Variants in C8orf34 observed in about 807,000 individuals in gnomAD.
C8orf34 encodes chromosome 8 open reading frame 34.
In C8orf34, 65 loss-of-function variants were observed where a neutral mutation model predicts 68.3. The ratio of observed to expected loss-of-function variants is 0.95; its 90% CI spans 0.78 to 1.17. The LOEUF is 1.17. Among genes scored for constraint, C8orf34 ranks in the 50% most tolerant of loss-of-function variants. C8orf34 has a pLI of 0.00. For missense variants in C8orf34, 664 were observed against 655.4 expected (o/e 1.01, Z -0.14); for synonymous variants, 244 against 241.2 (o/e 1.01, Z -0.11).
chr8:68,799,608 C>A (rs1479253323), intron 12 of C8orf34, among the ~76,000 whole-genome samples: 2 of 152,048 alleles, frequency 1.3e-5, no homozygotes, highest in African/African-American at 4.8e-5. Flanking sequence ...ACCCTATGGG[C>A]CAGATTACCC....
At chr8:68,711,202 G>A (rs1821320499) in intron 9 of C8orf34, among the ~76,000 whole-genome samples, 1 of 152,106 alleles carries the variant, frequency 6.6e-6, no homozygotes, top group South Asian at 2.1e-4. Flanking sequence ...TTCTAACATA[G>A]TCTGCGCAAA....
At chr8:68,469,309 G>T (rs1398841864) in intron 4 of C8orf34, among the ~76,000 whole-genome samples, 3 of 151,758 alleles carry the variant, frequency 2.0e-5, no homozygotes, top group African/African-American at 7.3e-5. Context: ...TCTGTAATCT[G>T]AGGGCCTAGG....
chr8:68,524,425 C>T (rs1430813267), intron 6 of C8orf34, among the ~76,000 whole-genome samples: 1 of 152,112 alleles, frequency 6.6e-6, no homozygotes, highest in Non-Finnish European at 1.5e-5. Flanking sequence ...AGAAAAGAAA[C>T]TGTGAGGGTG....
chr8:68,690,752 C>A (rs923842312), intron 8 of C8orf34, among the ~76,000 whole-genome samples: 16 of 151,962 alleles, frequency 1.1e-4, no homozygotes, highest in African/African-American at 3.1e-4. Context: ...GAAATGGTAA[C>A]CCTCATTAGG....
rs75653213 is a variant in C8orf34 at position 68,338,678 on chromosome 8, G to T, written c.327+7339G>T. ...TTACCAATTTTTATTTCCTTTTATT[G>T]CTGAGTTGTATTCCGTATGGCTATG... On this transcript the variant is annotated intron_variant, in intron 1 of 13. Coordinates refer to ENST00000518698, the MANE Select transcript of C8orf34 (RefSeq NM_052958.4). Among the ~76,000 whole-genome samples the T allele has an allele frequency of 7.9e-3, 1,197 of 151,878 alleles. 18 individuals are homozygous for T. Among genetic ancestry groups the T allele is most frequent in the African/African-American group, 0.027 (1,101 of 41,424 alleles).
chr8:68,671,748 G>A (rs1247215427), intron 8 of C8orf34, among the ~76,000 whole-genome samples: 1 of 152,040 alleles, frequency 6.6e-6, no homozygotes, highest in African/African-American at 2.4e-5. Context: ...AGGAATTTAT[G>A]TATAAAATTG....
At position 68,623,484 on chromosome 8, in the gene C8orf34, A is replaced by G. The variant is rs148830699; in HGVS notation, c.1106-16892A>G. On this transcript the variant is annotated intron_variant, in intron 7 of 13. Transcript: ENST00000518698. ...TGTTCCCTTGTTTTAAGGGGAGGGA[A>G]AAATCACCCGTGGTTGACAACCACT... Among the ~76,000 whole-genome samples the G allele has an allele frequency of 8.4e-3, 1,286 of 152,280 alleles. 19 individuals are homozygous for G. The highest frequency in any genetic ancestry group is 0.028 in the African/African-American group (1,167 of 41,542).
intron 12 of C8orf34, among the ~76,000 whole-genome samples, chr8:68,801,148 A>T (rs1224819224): frequency 2.0e-5 from 3 of 152,152 alleles, no homozygotes; most frequent in Non-Finnish European, 4.4e-5. Flanking sequence ...GCACTAAGTG[A>T]TTGTTTATCT....
intron 6 of C8orf34, among the ~76,000 whole-genome samples, chr8:68,528,546 A>G (rs979990071): frequency 2.0e-5 from 3 of 151,994 alleles, no homozygotes; most frequent in Non-Finnish European, 4.4e-5. Flanking sequence ...TCCTGGAAAA[A>G]CTCTACCATG....
At chr8:68,541,423 A>G (rs1815696753) in intron 7 of C8orf34, among the ~76,000 whole-genome samples, 1 of 151,606 alleles carries the variant, frequency 6.6e-6, no homozygotes. Flanking sequence ...CTATGATGGC[A>G]CCGCTGCACT....
At chr8:68,715,348 G>A (rs1821441140) in intron 9 of C8orf34, among the ~76,000 whole-genome samples, 1 of 151,930 alleles carries the variant, frequency 6.6e-6, no homozygotes, top group South Asian at 2.1e-4. Context: ...GCACAGAGTG[G>A]GAGAAATTCT....
At chr8:68,418,931 C>T (rs1586096948) in intron 1 of C8orf34, among the ~76,000 whole-genome samples, 1 of 150,256 alleles carries the variant, frequency 6.7e-6, no homozygotes, top group Non-Finnish European at 1.5e-5. Context: ...GCAAGGACTT[C>T]ATGTCTAAAA....
chr8:68,622,636 A>G (rs563144847), intron 7 of C8orf34, among the ~76,000 whole-genome samples: 3 of 152,180 alleles, frequency 2.0e-5, no homozygotes, highest in African/African-American at 7.2e-5. Flanking sequence ...AAATATCAAG[A>G]TAGCATCTTT....
At chr8:68,342,765 G>A (rs1264539056) in intron 1 of C8orf34, among the ~76,000 whole-genome samples, 2 of 152,068 alleles carry the variant, frequency 1.3e-5, no homozygotes, top group African/African-American at 4.8e-5. Context: ...TGGTATCTCA[G>A]TGCTTGAGTT....
intron 8 of C8orf34, among the ~76,000 whole-genome samples, chr8:68,657,408 A>G (rs1206316358): frequency 6.6e-6 from 1 of 152,110 alleles, no homozygotes; most frequent in African/African-American, 2.4e-5. Context: ...CCACCCTTCC[A>G]TGTGAGGACA....
intron 1 of C8orf34, among the ~76,000 whole-genome samples, chr8:68,403,896 C>T (rs992311615): frequency 1.3e-5 from 2 of 152,128 alleles, no homozygotes; most frequent in Non-Finnish European, 2.9e-5. Context: ...TGGGTATATA[C>T]CCAGTAATGG....
intron 7 of C8orf34, among the ~76,000 whole-genome samples, chr8:68,547,623 A>C (rs555060060): frequency 2.5e-4 from 38 of 151,956 alleles, no homozygotes; most frequent in African/African-American, 9.1e-4. Context: ...AAGTATATAC[A>C]CTTAAAAATA....
intron 12 of C8orf34, among the ~76,000 whole-genome samples, chr8:68,796,623 A>G (rs1322638053): frequency 2.0e-5 from 3 of 152,210 alleles, no homozygotes; most frequent in Non-Finnish European, 2.9e-5. Flanking sequence ...AAGCAACTCT[A>G]TAATTTTAAA....
rs764294909 is a variant in C8orf34, at chr8:68,446,411, T to C, written c.558T>C (p.Ser186=). The stretch of plus-strand genomic sequence containing the variant: ...CAAAGAAGCCTAAAAAATCAAAAAG[T>C]GACCTTGCTGTGTCTAATATTTCTC... The part of the protein sequence containing the change: ...LNAKKPKKSK[S]DLAVSNISPP... The change falls in exon 3 of 14, where the codon AGT becomes AGC. Residue 186 remains serine, a synonymous_variant. Coordinates refer to ENST00000518698, the MANE Select transcript of C8orf34 (RefSeq NM_052958.4). The C allele has an allele frequency of 4.3e-6, 7 of 1,613,052 alleles. No individual in the cohort carries two copies. The South Asian group carries it at 5.5e-5, about 13-fold the overall frequency.
Sources: gnomAD v4.1 joint callset for allele counts (sites outside exome capture counted in the v4.1 genomes callset) on GRCh38, gnomAD v4.1.1 for gene constraint, MANE v1.5 for transcripts, NCBI Gene and HGNC (gene_info 2026-07-23, HGNC 2026-07-21) for gene names.